The following TAFA2 variants were observed in gnomAD, a reference collection of about 807,000 sequenced individuals.
The protein encoded by TAFA2 is TAFA chemokine like family member 2.
TAFA2 carries 7 observed loss-of-function variants against 18.8 expected under a neutral mutation model. That is an observed-to-expected ratio of 0.37 (90% CI 0.21 to 0.70). TAFA2 has a LOEUF of 0.70. Among genes scored for constraint, TAFA2 ranks in the 30% least tolerant of loss-of-function variants. TAFA2 has a pLI of 0.53. For synonymous variants in TAFA2, 60 were observed against 54.2 expected, an observed-to-expected ratio of 1.11 and a Z score of -0.47; for missense variants, 122 against 158.1, an observed-to-expected ratio of 0.77 and a Z score of 1.23.
chr12:62,126,066 T>C (rs1454262645), intron 1 of TAFA2, among the ~76,000 whole-genome samples: 1 of 152,134 alleles, frequency 6.6e-6, no homozygotes, highest in Non-Finnish European at 1.5e-5. Context: ...CCAGTTGTCT[T>C]AGTGTGGTTT....
intron 1 of TAFA2, chr12:62,258,298 T>A (rs938693681): frequency 7.9e-5 from 12 of 152,188 alleles, no homozygotes; most frequent in African/African-American, 2.7e-4. Context: ...ATAATTCAAA[T>A]TGGCATTGAA....
At chr12:62,255,757 G>A (rs2062935316) in intron 1 of TAFA2, among the ~76,000 whole-genome samples, 1 of 152,074 alleles carries the variant, frequency 6.6e-6, no homozygotes, top group Non-Finnish European at 1.5e-5. Flanking sequence ...AGGAGGCTGA[G>A]GCACGAGAAT....
intron 2 of TAFA2, among the ~76,000 whole-genome samples, chr12:61,811,498 G>A (rs1174645425): frequency 6.6e-6 from 1 of 151,420 alleles, no homozygotes; most frequent in Non-Finnish European, 1.5e-5. Context: ...GACATTCAAA[G>A]ACTGTGGGAA....
chr12:62,179,254 T>G (rs1047296038), intron 1 of TAFA2, among the ~76,000 whole-genome samples: 1 of 152,174 alleles, frequency 6.6e-6, no homozygotes, highest in Admixed American at 6.5e-5. Context: ...TATGACACAT[T>G]CCTCAACCTC....
intron 1 of TAFA2, among the ~76,000 whole-genome samples, chr12:62,167,449 C>T (rs962437407): frequency 6.6e-6 from 1 of 152,062 alleles, no homozygotes; most frequent in Non-Finnish European, 1.5e-5. Flanking sequence ...TATTGTCATT[C>T]GGAGACTGTT....
chr12:62,211,349 G>T (rs975694975), intron 1 of TAFA2, among the ~76,000 whole-genome samples: 1 of 152,272 alleles, frequency 6.6e-6, no homozygotes, highest in Non-Finnish European at 1.5e-5. Context: ...GCAGGCCAAG[G>T]CAGGTGGATC....
At chr12:61,757,558 A>G (rs1174672925) in intron 2 of TAFA2, among the ~76,000 whole-genome samples, 1 of 152,016 alleles carries the variant, frequency 6.6e-6, no homozygotes, top group Non-Finnish European at 1.5e-5. Context: ...ATCTAAGCCT[A>G]CAGATGGTAT....
chr12:61,972,116 A>G (rs964777873), intron 1 of TAFA2, among the ~76,000 whole-genome samples: 1 of 151,610 alleles, frequency 6.6e-6, no homozygotes, highest in Non-Finnish European at 1.5e-5. Flanking sequence ...TCAGGGCTAC[A>G]TGCACAGGAT....
intron 4 of TAFA2, among the ~76,000 whole-genome samples, chr12:61,743,896 G>C (rs1028822562): frequency 6.6e-6 from 1 of 152,080 alleles, no homozygotes. Flanking sequence ...TAGGAGGTTT[G>C]CCACTCACAG....
At chr12:62,036,653 G>A (rs1460643841) in intron 1 of TAFA2, among the ~76,000 whole-genome samples, 2 of 152,156 alleles carry the variant, frequency 1.3e-5, no homozygotes, top group African/African-American at 4.8e-5. Context: ...GAGAAGGTGA[G>A]AATAAATTGT....
At chr12:62,203,017 C>T (rs554822604) in intron 1 of TAFA2, among the ~76,000 whole-genome samples, 6 of 151,648 alleles carry the variant, frequency 4.0e-5, no homozygotes, top group East Asian at 2.0e-4. Context: ...AGTAGAGACA[C>T]GGTTTCATCA....
chr12:62,126,711 A>T (rs1870476120), intron 1 of TAFA2, among the ~76,000 whole-genome samples: 1 of 152,086 alleles, frequency 6.6e-6, no homozygotes, highest in Non-Finnish European at 1.5e-5. Context: ...CTGACAAATT[A>T]GAGATGAGAT....
chr12:61,919,408 C>A (rs1876956485), intron 1 of TAFA2, among the ~76,000 whole-genome samples: 1 of 152,134 alleles, frequency 6.6e-6, no homozygotes, highest in South Asian at 2.1e-4. Flanking sequence ...AATTCTCTTT[C>A]TGAATATCTG....
chr12:62,002,812 G>A (rs774729697), intron 1 of TAFA2, among the ~76,000 whole-genome samples: 9 of 151,708 alleles, frequency 5.9e-5, no homozygotes, highest in East Asian at 1.9e-4. Flanking sequence ...CCTATAAATC[G>A]TCTAAAATTT....
In TAFA2 at chr12:61,738,570, T is replaced by C. The variant is rs74826184; in HGVS notation, c.384+15052A>G. ...CTGAAAACCCAATGTCTGATGGCTA[T>C]AAATAAGAAAAAACATTTCTGCTCT... On this transcript the variant is annotated intron_variant, in intron 4 of 4. Transcript: ENST00000416284. 6.0e-3 allele frequency among the ~76,000 whole-genome samples: 913 copies of C among 152,174 alleles called. 3 individuals carry two copies. The highest frequency in any genetic ancestry group is 0.021 in the African/African-American group (867 of 41,562).
At chr12:61,787,223 T>G (rs1870777199) in intron 2 of TAFA2, among the ~76,000 whole-genome samples, 1 of 151,472 alleles carries the variant, frequency 6.6e-6, no homozygotes, top group South Asian at 2.1e-4. Flanking sequence ...AAGCTATCCT[T>G]CATAAATGAA....
At chr12:62,184,881 G>C (rs2062575869) in intron 1 of TAFA2, among the ~76,000 whole-genome samples, 1 of 152,100 alleles carries the variant, frequency 6.6e-6, no homozygotes, top group Non-Finnish European at 1.5e-5. Flanking sequence ...GAGAAATAAA[G>C]TGGTTTTTTC....
At chr12:61,935,980 G>C (rs377341947) in intron 1 of TAFA2, among the ~76,000 whole-genome samples, 2 of 152,132 alleles carry the variant, frequency 1.3e-5, no homozygotes, top group East Asian at 3.9e-4. Flanking sequence ...TTAATAAAGA[G>C]AGAATCCTCC....
At chr12:62,086,386 C>T (rs567861712) in intron 1 of TAFA2, among the ~76,000 whole-genome samples, 15 of 152,070 alleles carry the variant, frequency 9.9e-5, no homozygotes, top group African/African-American at 3.1e-4. Flanking sequence ...AAAATATTTG[C>T]CAATCATATA....
Sources: gnomAD v4.1 joint callset for allele counts (sites outside exome capture counted in the v4.1 genomes callset) on GRCh38, gnomAD v4.1.1 for gene constraint, MANE v1.5 for transcripts, NCBI Gene and HGNC (gene_info 2026-07-23, HGNC 2026-07-21) for gene names.